NFAT5: variants seen among roughly 807,000 people sequenced by gnomAD.
NFAT5 encodes the protein nuclear factor of activated T-cells 5.
NFAT5 carries 31 observed loss-of-function variants against 166.5 expected under a neutral mutation model. That is an observed-to-expected ratio of 0.19 (90% CI 0.14 to 0.25). The LOEUF (loss-of-function observed/expected upper bound fraction) is 0.25. NFAT5 is among the 10% of genes least tolerant of loss of function. NFAT5 has a pLI of 1.00. For synonymous variants in NFAT5, 612 were observed against 639.7 expected (o/e 0.96, Z 0.65); for missense variants, 1,449 against 1,821.8 (o/e 0.80, Z 3.72).
At chr16:69,625,599 G>A (rs1455552030) in intron 2 of NFAT5, among the ~76,000 whole-genome samples, 1 of 151,516 alleles carries the variant, frequency 6.6e-6, no homozygotes, top group Non-Finnish European at 1.5e-5. Flanking sequence ...TTAATAATTG[G>A]GAAAAATGAA....
chr16:69,679,327 C>T (rs1233642597), intron 10 of NFAT5, among the ~76,000 whole-genome samples: 1 of 151,950 alleles, frequency 6.6e-6, no homozygotes. Context: ...TTAAAATACC[C>T]CTTGAAGGCC....
intron 2 of NFAT5, among the ~76,000 whole-genome samples, chr16:69,605,688 C>T (rs1178879647): frequency 6.6e-6 from 1 of 151,776 alleles, no homozygotes; most frequent in African/African-American, 2.4e-5. Flanking sequence ...CTTTTAAGTT[C>T]TGTGAAAGTC....
intron 7 of NFAT5, among the ~76,000 whole-genome samples, chr16:69,665,016 A>G (rs2036308030): frequency 6.6e-6 from 1 of 152,192 alleles, no homozygotes; most frequent in Non-Finnish European, 1.5e-5. Context: ...AACAAGAACA[A>G]AACTCCGTCT....
chr16:69,685,068 A>G (rs1047132386), intron 11 of NFAT5, 98 bp downstream of exon 11: 61 of 638,998 alleles, frequency 9.5e-5, no homozygotes, highest in Middle Eastern at 3.2e-4. Flanking sequence ...TACTTATAAT[A>G]CTTTGCAGGG....
rs2016251764 is a variant in NFAT5 at position 69,568,541 on chromosome 16, A to G, written c.120A>G (p.Leu40=). The change falls in exon 2 of 15, where the codon CTA becomes CTG. Residue 40 remains leucine, a synonymous_variant. Transcript: ENST00000349945. ...HPSQNFHRAG[L]LEESVYDLLP... ...CACAGAATTTTCATAGAGCTGGACT[A>G]TTGGAAGGTCAGCAAAGTACCATTT... 1 of 1,612,238 alleles carries G rather than the reference A, an allele frequency of 6.2e-7. No homozygotes were observed. Among genetic ancestry groups the G allele is most frequent in the Non-Finnish European group, 8.5e-7 (1 of 1,178,968 alleles).
chr16:69,687,478 A>C (rs2037357484), intron 11 of NFAT5, among the ~76,000 whole-genome samples: 1 of 150,692 alleles, frequency 6.6e-6, no homozygotes, highest in East Asian at 1.9e-4. Context: ...AAATAAAATT[A>C]ACCTTTGTGA....
chr16:69,690,120 A>G (rs911753598), intron 11 of NFAT5, among the ~76,000 whole-genome samples: 1 of 152,182 alleles, frequency 6.6e-6, no homozygotes, highest in Non-Finnish European at 1.5e-5. Context: ...GGACTCAAGT[A>G]GACAAAAAAG....
Position 69,693,568 on chromosome 16 carries a change from C to T in NFAT5, c.3743C>T (p.Thr1248Ile), listed in dbSNP as rs773660380. Residue 1248 changes from threonine to isoleucine, a missense_variant, in exon 13 of 15, where the codon ACC (threonine) becomes ATC (isoleucine). Physicochemically the swap from Thr to Ile is moderately conservative, Grantham distance 89. This residue lies in a region of NFAT5 where 891 missense variants were observed against 993.0 expected (regional missense o/e 0.90). Coordinates refer to ENST00000349945, the MANE Select transcript of NFAT5 (RefSeq NM_138713.4). ...CCAATGCCTCAAAGCCAACAAGGAA[C>T]CATGTTCCAGTCACAGCACTCAATA... ...PNPMPQSQQG[T>I]MFQSQHSIVA... 3.7e-6 allele frequency: 6 copies of T among 1,614,172 alleles called. No homozygotes were observed. In the East Asian group the frequency reaches 1.3e-4, roughly 36 times the overall value.
At chr16:69,603,629 A>G (rs1300993983) in intron 2 of NFAT5, among the ~76,000 whole-genome samples, 1 of 152,106 alleles carries the variant, frequency 6.6e-6, no homozygotes, top group African/African-American at 2.4e-5. Context: ...ATGTGTACCT[A>G]TGATCCCAGC....
chr16:69,587,198 C>G (rs1026314931), intron 2 of NFAT5, among the ~76,000 whole-genome samples: 6 of 151,678 alleles, frequency 4.0e-5, no homozygotes, highest in Admixed American at 3.9e-4. Context: ...TCTTCTGCCT[C>G]AGCCTCCTGA....
intron 2 of NFAT5, among the ~76,000 whole-genome samples, chr16:69,588,569 G>A (rs544649973): frequency 1.3e-5 from 2 of 152,244 alleles, no homozygotes; most frequent in South Asian, 4.1e-4. Flanking sequence ...GATATGTCTT[G>A]TTCTGCTATT....
At chr16:69,646,462 A>G in intron 3 of NFAT5, 1 of 731,030 alleles carries the variant, frequency 1.4e-6, no homozygotes, top group Non-Finnish European at 1.9e-6. Flanking sequence ...TATAATTGAT[A>G]TCTGGAATAA....
chr16:69,618,417 A>C (rs1177599777), intron 2 of NFAT5, among the ~76,000 whole-genome samples: 3 of 152,218 alleles, frequency 2.0e-5, no homozygotes, highest in African/African-American at 7.2e-5. Flanking sequence ...CTTGGACTGC[A>C]TACTCTTTTA....
At chr16:69,590,832 C>G (rs909887570) in intron 2 of NFAT5, among the ~76,000 whole-genome samples, 7 of 152,180 alleles carry the variant, frequency 4.6e-5, no homozygotes, top group Non-Finnish European at 1.5e-5. Context: ...AGATAAGAGA[C>G]AAAGGAGAAT....
intron 2 of NFAT5, among the ~76,000 whole-genome samples, chr16:69,605,460 A>G (rs975016248): frequency 6.6e-6 from 1 of 152,216 alleles, no homozygotes; most frequent in African/African-American, 2.4e-5. Context: ...GAAAAGTAGT[A>G]TACAGTAAAG....
chr16:69,637,594 C>A lies in NFAT5; in HGVS notation c.254-9434C>A, dbSNP rs546409172. ...ATGAGGAAGAAGCAAAAGTGGAAAC[C>A]CCTGATAAACTCATCAGATCTTGTG... On this transcript the variant is annotated intron_variant, in intron 3 of 14. Transcript: ENST00000349945. Among the ~76,000 whole-genome samples the A allele has an allele frequency of 1.7e-3, 256 of 152,250 alleles. 1 individual carries two copies. The highest frequency in any genetic ancestry group is 3.4e-3 in the Middle Eastern group (1 of 294).
intron 6 of NFAT5, 89 bp from the exon 7 acceptor site, chr16:69,659,638 G>T (rs2036037308): frequency 8.8e-7 from 1 of 1,130,414 alleles, no homozygotes; most frequent in South Asian, 2.4e-5. Context: ...TAATAGATAA[G>T]CAAAATTTTA....
At position 69,697,437 on chromosome 16, in the gene NFAT5, T is replaced by C. The variant is rs1346035013; in HGVS notation, c.*1086T>C. The C allele has an allele frequency of 2.0e-5, 3 of 151,858 alleles. No homozygotes were observed. Among genetic ancestry groups the C allele is most frequent in the Admixed American group, 1.3e-4 (2 of 15,226 alleles). The allele number at this position is 151,858 out of a possible 1,614,324, so 9.4% of individuals were successfully genotyped here. On this transcript the variant is annotated 3_prime_UTR_variant, in exon 15 of 15. Transcript: ENST00000349945. ...GAAGTCTTCAAATTTTTCCCTCTAA[T>C]AGGAAACAGTATAAATTTTAATTAA... is the stretch of plus-strand genomic sequence containing the variant.
chr16:69,618,594 T>C (rs1307156032), intron 2 of NFAT5, among the ~76,000 whole-genome samples: 2 of 152,204 alleles, frequency 1.3e-5, no homozygotes, highest in African/African-American at 4.8e-5. Flanking sequence ...TTTTAGAATA[T>C]TTAATGTGAA....
Sources: gnomAD v4.1 joint callset for allele counts (sites outside exome capture counted in the v4.1 genomes callset) on GRCh38, gnomAD v4.1.1 for gene constraint, gnomAD v4.1.1 regional missense constraint, MANE v1.5 for transcripts, NCBI Gene and HGNC (gene_info 2026-07-23, HGNC 2026-07-21) for gene names.